The following ZMYM4 variants were observed in gnomAD, a reference collection of about 807,000 sequenced individuals.
ZMYM4 encodes the protein zinc finger MYM-type containing 4.
In ZMYM4, 31 loss-of-function variants were observed where a neutral mutation model predicts 183.2. The observed-to-expected ratio is 0.17, with a 90% confidence interval of 0.13 to 0.23. The LOEUF (loss-of-function observed/expected upper bound fraction) is 0.23. ZMYM4 is among the 10% of genes least tolerant of loss of function. The pLI is 1.00. For synonymous variants in ZMYM4, 592 were observed against 631.2 expected (o/e 0.94, Z 0.93); for missense variants, 1,273 against 1,840.3 (o/e 0.69, Z 5.64).
intron 1 of ZMYM4, among the ~76,000 whole-genome samples, chr1:35,303,486 A>G (rs957435332): frequency 3.3e-5 from 5 of 151,822 alleles, no homozygotes; most frequent in African/African-American, 7.3e-5. Flanking sequence ...GCTCACTGCA[A>G]CCTCCGCCGT....
chr1:35,268,991 G>T lies in ZMYM4; in HGVS notation c.-56G>T. On this transcript the variant is annotated 5_prime_UTR_variant, in exon 1 of 30. Transcript: ENST00000314607. ...CAGTGTGGGCGGGGGCCGGGGGGCCGAGAGGTACCGCCGCCACCGCGCGGG... is the reference window on the plus strand; with the variant it reads ...CAGTGTGGGCGGGGGCCGGGGGGCCTAGAGGTACCGCCGCCACCGCGCGGG... 2 of 1,503,482 alleles carry T rather than the reference G, an allele frequency of 1.3e-6. No homozygotes were observed. Among genetic ancestry groups the T allele is most frequent in the East Asian group, 2.8e-5 (1 of 36,172 alleles). 93.1% of individuals were successfully genotyped at this position (1,503,482 alleles called of 1,614,324 possible). A position where few individuals can be genotyped will look rare whatever the true frequency, so the allele number is the denominator to read the frequency against.
chr1:35,393,400 A>G (rs1288634344), intron 17 of ZMYM4, among the ~76,000 whole-genome samples, 195 bp from the exon 18 acceptor site: 2 of 152,194 alleles, frequency 1.3e-5, no homozygotes, highest in Admixed American at 6.5e-5. Flanking sequence ...AGAGTAATAT[A>G]TAGTTATTAA....
intron 13 of ZMYM4, 67 bp from the exon 14 acceptor site, chr1:35,388,843 G>T: frequency 6.7e-7 from 1 of 1,488,306 alleles, no homozygotes; most frequent in Non-Finnish European, 9.3e-7. Context: ...GCCTGTCCTA[G>T]GCCATTTAAA....
intron 1 of ZMYM4, among the ~76,000 whole-genome samples, chr1:35,299,069 T>C (rs1016677207): frequency 6.6e-6 from 1 of 150,958 alleles, no homozygotes; most frequent in Non-Finnish European, 1.5e-5. Flanking sequence ...AGTCTTGCCA[T>C]GTGGCCCAGG....
intron 26 of ZMYM4, among the ~76,000 whole-genome samples, chr1:35,410,520 G>A (rs984034428): frequency 2.6e-5 from 4 of 151,234 alleles, no homozygotes; most frequent in Admixed American, 2.0e-4. Flanking sequence ...ATGGAGTCTC[G>A]CTCTGTCGCC....
At chr1:35,404,818 T>G (rs1644972809) in intron 23 of ZMYM4, 4 of 457,282 alleles carry the variant, frequency 8.7e-6, no homozygotes, top group Non-Finnish European at 1.1e-5. Flanking sequence ...TCTTCTGCAT[T>G]TAAACTTTTT....
chr1:35,419,702 A>T lies in ZMYM4; in HGVS notation c.*25A>T, dbSNP rs754780794. On this transcript the variant is annotated 3_prime_UTR_variant, in exon 30 of 30. Coordinates refer to ENST00000314607, the MANE Select transcript of ZMYM4 (RefSeq NM_005095.3). ...AAACGGAAGTGAGGTTCTTATTTTC[A>T]TACATATTGGTATGCACCAAACTGT... 6.2e-7 allele frequency: 1 copy of T among 1,611,984 alleles called. No individual in the cohort carries two copies. The highest frequency in any genetic ancestry group is 1.1e-5 in the South Asian group (1 of 90,856).
In ZMYM4 at chr1:35,389,093, TTC is replaced by T. The variant is rs1644644131; in HGVS notation, c.2436+12_2436+13del. The T allele has an allele frequency of 1.2e-6, 2 of 1,601,226 alleles. No homozygotes were observed. The highest frequency in any genetic ancestry group is 1.7e-6 in the Non-Finnish European group (2 of 1,174,204). The stretch of plus-strand genomic sequence containing the variant: ...GTTTTGTTCTATCAGGTAAATAGAA[TTC>T]ACATTCCTGGGTTTTTCATTCTAGG... On this transcript the variant is annotated intron_variant, in intron 14 of 29. Coordinates refer to ENST00000314607, the MANE Select transcript of ZMYM4 (RefSeq NM_005095.3). The surrounding 1 kb of genome is among the most constrained non-coding windows in gnomAD (Gnocchi z 4.0).
chr1:35,340,603 A>C (rs1643164807), intron 2 of ZMYM4, among the ~76,000 whole-genome samples: 1 of 151,982 alleles, frequency 6.6e-6, no homozygotes. Flanking sequence ...TAGATCCCTC[A>C]CATGCATAGT....
At chr1:35,400,163 TAATA>T (rs1310901042) in intron 23 of ZMYM4, 2 of 139,140 alleles carry the variant, frequency 1.4e-5, no homozygotes, top group African/African-American at 5.3e-5. Flanking sequence ...AAAAAAGTAA[TAATA>T]AATAAAAATA....
chr1:35,287,469 C>T (rs1640558833), intron 1 of ZMYM4, among the ~76,000 whole-genome samples: 1 of 152,224 alleles, frequency 6.6e-6, no homozygotes, highest in East Asian at 1.9e-4. Flanking sequence ...TTTTTGCTGT[C>T]ATACAAATAC....
chr1:35,324,272 C>T (rs563183870), intron 1 of ZMYM4, among the ~76,000 whole-genome samples: 2 of 152,040 alleles, frequency 1.3e-5, no homozygotes, highest in East Asian at 3.9e-4. Context: ...TCTTTTCCAA[C>T]TTTTTGTCTA....
intron 2 of ZMYM4, chr1:35,351,110 T>C (rs1010886495): frequency 4.4e-6 from 4 of 901,798 alleles, no homozygotes; most frequent in Admixed American, 1.7e-5. Context: ...GTAAATACAA[T>C]GTGGAAGGCA....
intron 18 of ZMYM4, among the ~76,000 whole-genome samples, chr1:35,395,891 G>C (rs982369620): frequency 2.6e-5 from 4 of 152,152 alleles, no homozygotes; most frequent in Non-Finnish European, 5.9e-5. Flanking sequence ...GGGACCGTCT[G>C]GTTAAATAAT....
At chr1:35,299,936 A>C (rs1641201721) in intron 1 of ZMYM4, among the ~76,000 whole-genome samples, 1 of 151,910 alleles carries the variant, frequency 6.6e-6, no homozygotes, top group South Asian at 2.1e-4. Flanking sequence ...CTGGGACTAC[A>C]GGCGCCTGCC....
intron 25 of ZMYM4, 34 bp from the exon 26 acceptor site, chr1:35,407,974 G>A (rs771582964): frequency 6.2e-7 from 1 of 1,613,272 alleles, no homozygotes; most frequent in Non-Finnish European, 8.5e-7. Flanking sequence ...TTTGTTAAAA[G>A]TTAATGTTTC....
Position 35,418,552 on chromosome 1 carries a change from T to C in ZMYM4, c.4419T>C (p.Tyr1473=). The C allele has an allele frequency of 6.2e-7, 1 of 1,614,054 alleles. No individual in the cohort carries two copies. Among genetic ancestry groups the C allele is most frequent in the Non-Finnish European group, 8.5e-7 (1 of 1,179,942 alleles). ...DNPLRCPVRL[Y]EFYLSKCSES... ...CACTAAGATGCCCAGTCCGACTTTA[T>C]GAGTTTTACCTGTCAAAATGGTAAT... The change falls in exon 29 of 30, where the codon TAT becomes TAC. Residue 1473 remains tyrosine, a synonymous_variant. Transcript: ENST00000314607.
At chr1:35,348,429 C>T (rs987719127) in intron 2 of ZMYM4, among the ~76,000 whole-genome samples, 1 of 152,180 alleles carries the variant, frequency 6.6e-6, no homozygotes, top group African/African-American at 2.4e-5. Context: ...TGATACACTT[C>T]GCTTTCTGTT....
At chr1:35,330,056 A>C (rs1258179063) in intron 2 of ZMYM4, among the ~76,000 whole-genome samples, 1 of 152,092 alleles carries the variant, frequency 6.6e-6, no homozygotes, top group Non-Finnish European at 1.5e-5. Context: ...CTCTGCAAAA[A>C]ATACATAAAA....
Sources: allele counts gnomAD v4.1 joint callset (sites outside exome capture counted in the v4.1 genomes callset), GRCh38; gene constraint gnomAD v4.1.1; non-coding constraint Gnocchi (gnomAD v3.1); transcripts MANE v1.5; gene names NCBI Gene and HGNC (gene_info 2026-07-23, HGNC 2026-07-21).